The following RSRC1 variants were observed in gnomAD, a reference collection of about 807,000 sequenced individuals.
The protein encoded by RSRC1 is serine/Arginine-related protein 53.
RSRC1 carries 39 observed loss-of-function variants against 49.1 expected under a neutral mutation model. The ratio of observed to expected loss-of-function variants is 0.79; its 90% CI spans 0.61 to 1.04. The LOEUF (loss-of-function observed/expected upper bound fraction) is 1.04. Among genes scored for constraint, RSRC1 ranks in the 50% least tolerant of loss-of-function variants. The pLI is 0.00. For synonymous variants in RSRC1, 143 were observed against 130.8 expected, an observed-to-expected ratio of 1.09 and a Z score of -0.63; for missense variants, 388 against 402.4, an observed-to-expected ratio of 0.96 and a Z score of 0.31.
chr3:158,179,026 G>T (rs1719430829), intron 3 of RSRC1, among the ~76,000 whole-genome samples: 1 of 151,748 alleles, frequency 6.6e-6, no homozygotes, highest in Non-Finnish European at 1.5e-5. Flanking sequence ...TTATGGTTTG[G>T]GTCAATGTTA....
intron 7 of RSRC1, among the ~76,000 whole-genome samples, chr3:158,529,119 GA>G (rs1427131076): frequency 6.6e-6 from 1 of 150,542 alleles, no homozygotes; most frequent in African/African-American, 2.4e-5. Flanking sequence ...GAAAGATTCT[GA>G]AAATGCACAT....
chr3:158,252,387 G>C (rs538146089), intron 4 of RSRC1, among the ~76,000 whole-genome samples: 1 of 151,402 alleles, frequency 6.6e-6, no homozygotes, highest in East Asian at 2.0e-4. Flanking sequence ...GGATGGTCTC[G>C]ATCTCCTGAC....
chr3:158,439,635 C>T (rs147836264), intron 6 of RSRC1, among the ~76,000 whole-genome samples: 21 of 151,840 alleles, frequency 1.4e-4, no homozygotes, highest in South Asian at 2.1e-4. Context: ...GGACACAGGA[C>T]GGGGAACATC....
chr3:158,256,835 T>C (rs544814330), intron 4 of RSRC1, among the ~76,000 whole-genome samples: 1 of 152,326 alleles, frequency 6.6e-6, no homozygotes, highest in Non-Finnish European at 1.5e-5. Context: ...CCATTTCTTC[T>C]AGATTTTATA....
intron 4 of RSRC1, among the ~76,000 whole-genome samples, chr3:158,235,956 A>G (rs1305595827): frequency 6.6e-6 from 1 of 152,080 alleles, no homozygotes; most frequent in Admixed American, 6.5e-5. Context: ...CATCTACTAA[A>G]AATATAAAAA....
intron 5 of RSRC1, among the ~76,000 whole-genome samples, chr3:158,319,994 C>A (rs1343900576): frequency 6.6e-6 from 1 of 152,116 alleles, no homozygotes; most frequent in African/African-American, 2.4e-5. Context: ...ACTTGTTAAT[C>A]AACTATAGGA....
At chr3:158,438,173 A>G (rs1275135002) in intron 6 of RSRC1, among the ~76,000 whole-genome samples, 2 of 152,200 alleles carry the variant, frequency 1.3e-5, no homozygotes, top group African/African-American at 4.8e-5. Context: ...AAGAGAGGAC[A>G]CAAACCAGTG....
chr3:158,426,630 TTAGTATGTTTG>T (rs1000137964), intron 6 of RSRC1, among the ~76,000 whole-genome samples: 19 of 151,896 alleles, frequency 1.3e-4, no homozygotes, highest in Admixed American at 2.6e-4. Context: ...CTTTATGTTT[TTAGTATGTTTG>T]AAATATCCTT....
intron 6 of RSRC1, among the ~76,000 whole-genome samples, chr3:158,399,073 C>T (rs980454391): frequency 2.8e-5 from 4 of 142,122 alleles, no homozygotes; most frequent in African/African-American, 1.0e-4. Flanking sequence ...AAAATCTTTA[C>T]ATGGATTCTA....
chr3:158,349,691 CTTTTTTTTTTTT>C (rs775736592), intron 5 of RSRC1, among the ~76,000 whole-genome samples: 1 of 74,852 alleles, frequency 1.3e-5, no homozygotes, highest in Non-Finnish European at 2.3e-5. Flanking sequence ...TCTTACTGCC[CTTTTTTTTTTTT>C]TTTTTTTTTT....
chr3:158,369,037 A>C (rs778943803), intron 6 of RSRC1, among the ~76,000 whole-genome samples: 84 of 152,088 alleles, frequency 5.5e-4, no homozygotes, highest in Non-Finnish European at 9.6e-4. Context: ...TTTTGAAAGG[A>C]GTATCAGATC....
intron 5 of RSRC1, among the ~76,000 whole-genome samples, chr3:158,329,735 G>C (rs559282697): frequency 1.3e-5 from 2 of 152,332 alleles, no homozygotes; most frequent in South Asian, 4.1e-4. Context: ...ACTCCGTGCT[G>C]AGAGAACCAC....
rs149599828 is a variant in RSRC1, at chr3:158,407,975, G to A, written c.584-52960G>A. On this transcript the variant is annotated intron_variant, in intron 6 of 9. Transcript: ENST00000611884. ...ACAGCTGTTCTGAATTCTAATCCTG[G>A]CTTTGCCTTTCATGGCTTATATGAT... Among the ~76,000 whole-genome samples, 327 of 152,252 alleles carry A rather than the reference G, an allele frequency of 2.1e-3. 1 individual carries two copies. The highest frequency in any genetic ancestry group is 0.013 in the Admixed American group (202 of 15,272).
intron 3 of RSRC1, 33 bp from the exon 4 acceptor site, chr3:158,203,039 C>CT: frequency 6.5e-7 from 1 of 1,530,346 alleles, no homozygotes; most frequent in Non-Finnish European, 9.0e-7. Flanking sequence ...AAATTATACA[C>CT]TAAGTTTATT....
chr3:158,279,878 G>T lies in RSRC1; in HGVS notation c.495-18161G>T, dbSNP rs565625111. ...AAATGTAGATTATGTGGAACTATTG[G>T]GTAGCTTATGTAATCAGTGGGACTC... is the stretch of plus-strand genomic sequence containing the variant. On this transcript the variant is annotated intron_variant, in intron 4 of 9. Transcript: ENST00000611884. 5.9e-5 allele frequency among the ~76,000 whole-genome samples: 9 copies of T among 152,240 alleles called. No individual in the cohort carries two copies. In the South Asian group the frequency reaches 6.2e-4, roughly 11 times the overall value.
intron 6 of RSRC1, among the ~76,000 whole-genome samples, chr3:158,440,369 A>G (rs1736315941): frequency 6.6e-6 from 1 of 152,072 alleles, no homozygotes; most frequent in Admixed American, 6.6e-5. Flanking sequence ...CATTGCACAG[A>G]TGATGCTGTT....
At chr3:158,192,827 A>G (rs1720325347) in intron 3 of RSRC1, among the ~76,000 whole-genome samples, 1 of 152,082 alleles carries the variant, frequency 6.6e-6, no homozygotes, top group African/African-American at 2.4e-5. Context: ...ATCTGTGAAG[A>G]CAAGGATATT....
intron 6 of RSRC1, among the ~76,000 whole-genome samples, chr3:158,440,133 T>C (rs983896650): frequency 2.0e-5 from 3 of 151,960 alleles, no homozygotes; most frequent in African/African-American, 7.2e-5. Context: ...TAAAATAAAA[T>C]TTTTTAAAAA....
intron 5 of RSRC1, among the ~76,000 whole-genome samples, chr3:158,342,511 C>T (rs576947294): frequency 1.3e-5 from 2 of 152,266 alleles, no homozygotes; most frequent in South Asian, 4.1e-4. Flanking sequence ...CTGAGGCCTC[C>T]CCAGCCATGT....
Sources: gnomAD v4.1 joint callset for allele counts (sites outside exome capture counted in the v4.1 genomes callset) on GRCh38, gnomAD v4.1.1 for gene constraint, MANE v1.5 for transcripts, NCBI Gene and HGNC (gene_info 2026-07-23, HGNC 2026-07-21) for gene names.